CCDC187: variants seen among roughly 807,000 people sequenced by gnomAD.
The protein encoded by CCDC187 is coiled-coil domain containing 187, also known as coiled-coil domain-containing protein 187.
CCDC187 carries 32 observed loss-of-function variants against 38.0 expected under a neutral mutation model. That is an observed-to-expected ratio of 0.84 (90% CI 0.64 to 1.13). CCDC187 has a LOEUF of 1.13. Ranked by LOEUF, CCDC187 falls within the 50% of genes most tolerant of loss-of-function variation. CCDC187 has a pLI of 0.00. For synonymous variants in CCDC187, 333 were observed against 347.9 expected, an observed-to-expected ratio of 0.96 and a Z score of 0.48; for missense variants, 707 against 786.8, an observed-to-expected ratio of 0.90 and a Z score of 1.21.
chr9:136,260,408 G>T (rs1438488711), intron 19 of CCDC187, 144 bp from the exon 20 acceptor site: 1 of 330,828 alleles, frequency 3.0e-6, no homozygotes, highest in Middle Eastern at 1.5e-3. Flanking sequence ...CAGTGGCCAA[G>T]CAGAAGACGG....
At chr9:136,298,354 C>T (rs1387726245) in intron 3 of CCDC187, among the ~76,000 whole-genome samples, 2 of 152,168 alleles carry the variant, frequency 1.3e-5, no homozygotes, top group Non-Finnish European at 2.9e-5. Flanking sequence ...TGGAGTGGAC[C>T]CCTCTGCCGA....
At chr9:136,263,562 G>C (rs1453290729) in intron 18 of CCDC187, 60 bp downstream of exon 18, 1 of 979,732 alleles carries the variant, frequency 1.0e-6, no homozygotes, top group East Asian at 1.1e-4. Flanking sequence ...GGACTTGCAC[G>C]ATCATGGGAA....
upstream of CCDC187, among the ~76,000 whole-genome samples, chr9:136,306,104 G>A (rs1831801174): frequency 6.6e-6 from 1 of 152,226 alleles, no homozygotes. Context: ...GTGGACAGGA[G>A]CAGCAAGGCT....
intron 2 of CCDC187, among the ~76,000 whole-genome samples, chr9:136,300,909 T>TTTTGAA (rs1321443189): frequency 9.9e-5 from 15 of 152,210 alleles, no homozygotes; most frequent in South Asian, 2.1e-4. Context: ...CCTCAAAAAC[T>TTTTGAA]TTTGAATAGC....
At chr9:136,256,353 T>G in intron 23 of CCDC187, 30 bp from the exon 24 acceptor site, 1 of 965,388 alleles carries the variant, frequency 1.0e-6, no homozygotes, top group Non-Finnish European at 1.2e-6. Context: ...ATGACACTGT[T>G]GGGGTGTGGC....
intron 7 of CCDC187, among the ~76,000 whole-genome samples, chr9:136,287,185 T>A (rs879020045): frequency 0.28 from 43,195 of 152,004 alleles, 6,234 homozygotes; most frequent in Middle Eastern, 0.48. Context: ...AGCCCTGAAA[T>A]GGAAGGACAT....
At chr9:136,304,950 C>T (rs1246319167), upstream of CCDC187, among the ~76,000 whole-genome samples, 9 of 152,228 alleles carry the variant, frequency 5.9e-5, no homozygotes, top group African/African-American at 2.2e-4. Flanking sequence ...CGCTATAGAA[C>T]CTGTCCTCTG....
rs144687251 is a variant in CCDC187, at chr9:136,265,270, C to T, written c.3735+686G>A. ...GCCCTGACTCTGGCAGCTTTTCCCC[C>T]CTCCACATGTGCCCCCAGCACCGAC... is the stretch of plus-strand genomic sequence containing the variant. On this transcript the variant is annotated intron_variant, in intron 17 of 25. Coordinates refer to ENST00000638797, the MANE Select transcript of CCDC187 (RefSeq NM_001378188.1). Among the ~76,000 whole-genome samples the T allele has an allele frequency of 7.2e-5, 11 of 152,328 alleles. No homozygotes were observed. The East Asian group carries it at 2.1e-3, about 29-fold the overall frequency.
In CCDC187 at chr9:136,269,377, C is replaced by T. The variant is rs529595075; in HGVS notation, c.3443-1252G>A. ...TTAAGAATGTTTATAGGGGCCAGTGCGGTGGCTCACGCCTGTAATCCCAGC... is the reference window on the plus strand; with the variant it reads ...TTAAGAATGTTTATAGGGGCCAGTGTGGTGGCTCACGCCTGTAATCCCAGC... On this transcript the variant is annotated intron_variant, in intron 14 of 25. Coordinates refer to ENST00000638797, the MANE Select transcript of CCDC187 (RefSeq NM_001378188.1). Among the ~76,000 whole-genome samples, 190 of 152,340 alleles carry T rather than the reference C, an allele frequency of 1.2e-3. 1 individual carries two copies. The Middle Eastern group carries it at 0.017, about 14-fold the overall frequency.
In CCDC187 at chr9:136,252,203, CCCACCCT is replaced by C. The variant is rs1830553144; in HGVS notation, c.*1384_*1390del. 1.9e-5 allele frequency: 1 copy of C among 53,254 alleles called. No individual in the cohort carries two copies. Among genetic ancestry groups the C allele is most frequent in the African/African-American group, 4.9e-5 (1 of 20,470 alleles). 3.3% of individuals were successfully genotyped at this position (53,254 alleles called of 1,614,324 possible). ...CGGGAAGAGCCGGCCGCCCACCCGG[CCCACCCT>C]GGGAAGAGCCGGCCGCCCACCCAGT... On this transcript the variant is annotated 3_prime_UTR_variant, in exon 26 of 26. Transcript: ENST00000638797.
In CCDC187 at chr9:136,262,441, C is replaced by G. The variant is rs146960281; in HGVS notation, c.3934G>C (p.Ala1312Pro). The change falls in exon 19 of 26, where the codon GCC (alanine) becomes CCC (proline). Residue 1312 changes from alanine to proline, a missense_variant. Transcript: ENST00000638797. Reference sequence around the variant, plus strand: ...GTCTCTGAGCCTCCCTCCCAGGCGGCCTTGACTTTGGGGCTGGAACCCTGT... The same window carrying G: ...GTCTCTGAGCCTCCCTCCCAGGCGGGCTTGACTTTGGGGCTGGAACCCTGT... ...LQQGSSPKVK[A>P]AWEGGSETSQ... is the part of the protein sequence containing the mutation. 8.1e-6 allele frequency: 8 copies of G among 985,888 alleles called. No homozygotes were observed. The highest frequency in any genetic ancestry group is 9.6e-6 in the Non-Finnish European group (8 of 830,228). 61.1% of individuals were successfully genotyped at this position (985,888 alleles called of 1,614,324 possible).
chr9:136,259,939 T>A (rs1404942288), intron 20 of CCDC187, among the ~76,000 whole-genome samples, 180 bp downstream of exon 20: 1 of 152,112 alleles, frequency 6.6e-6, no homozygotes, highest in Non-Finnish European at 1.5e-5. Flanking sequence ...AAACCCACTG[T>A]GTGCTCTGCT....
chr9:136,289,018 G>A (rs1831247085), intron 7 of CCDC187, among the ~76,000 whole-genome samples: 1 of 152,310 alleles, frequency 6.6e-6, no homozygotes, highest in Non-Finnish European at 1.5e-5. Context: ...TGGAGCCCGG[G>A]CATCCGTTGG....
Position 136,260,226 on chromosome 9 carries a change from G to C in CCDC187, c.4103C>G (p.Thr1368Arg). ...TEQQDVTPPQ[T>R]TSDADGHQQP... is the part of the protein sequence containing the mutation. ...CTGGTGACCATCTGCATCGGAGGTT[G>C]TCTGGGGTGGCGTCACATCCTGCTG... is the stretch of plus-strand genomic sequence containing the variant. Residue 1368 changes from threonine (T) to arginine (R), a missense_variant, in exon 20 of 26, where the codon ACA (threonine) becomes AGA (arginine). Transcript: ENST00000638797. 5.1e-6 allele frequency: 5 copies of C among 985,466 alleles called. No homozygotes were observed. The highest frequency in any genetic ancestry group is 6.0e-6 in the Non-Finnish European group (5 of 830,084). The allele number at this position is 985,466 out of a possible 1,614,324, so 61.0% of individuals were successfully genotyped here.
intron 12 of CCDC187, among the ~76,000 whole-genome samples, chr9:136,275,991 C>T (rs1389887480): frequency 6.6e-6 from 1 of 152,166 alleles, no homozygotes; most frequent in Non-Finnish European, 1.5e-5. Flanking sequence ...GTGCCAGCGC[C>T]CCCAGGACAC....
Position 136,298,531 on chromosome 9 carries a change from G to A in CCDC187, c.725-710C>T, listed in dbSNP as rs1000551232. Among the ~76,000 whole-genome samples the A allele has an allele frequency of 9.3e-3, 1,420 of 152,318 alleles. 16 individuals carry two copies. Among genetic ancestry groups the A allele is most frequent in the Non-Finnish European group, 0.012 (822 of 68,022 alleles). ...GGGGTGGGGGAGTATCTGGGAAGCCGCCATGCGAGAACCTGCCTTGTCCCC... is the reference window on the plus strand; with the variant it reads ...GGGGTGGGGGAGTATCTGGGAAGCCACCATGCGAGAACCTGCCTTGTCCCC... On this transcript the variant is annotated intron_variant, in intron 3 of 25. Coordinates refer to ENST00000638797, the MANE Select transcript of CCDC187 (RefSeq NM_001378188.1).
In CCDC187 at chr9:136,254,750, C is replaced by A. The variant is rs1319825237; in HGVS notation, c.5078G>T (p.Gly1693Val). The A allele has an allele frequency of 1.0e-6, 1 of 985,436 alleles. No individual in the cohort carries two copies. Among genetic ancestry groups the A allele is most frequent in the Non-Finnish European group, 1.2e-6 (1 of 830,008 alleles). 61.0% of individuals were successfully genotyped at this position (985,436 alleles called of 1,614,324 possible). A position where few individuals can be genotyped will look rare whatever the true frequency, so the allele number is the denominator to read the frequency against. The change falls in exon 26 of 26, where the codon GGC becomes GTC. Residue 1693 changes from glycine to valine, a missense_variant. Coordinates refer to ENST00000638797, the MANE Select transcript of CCDC187 (RefSeq NM_001378188.1). Reference protein sequence around the residue: ...WRSNQGEPRPGSAPGGGGWVT... With the variant: ...WRSNQGEPRPVSAPGGGGWVT... The stretch of plus-strand genomic sequence containing the variant: ...CCATCCTCCACCCCCAGGAGCACTG[C>A]CTGGCCGAGGCTCACCCTGGTTTGA...
Position 136,286,623 on chromosome 9 carries a change from T to C in CCDC187, c.2295A>G (p.Gln765=), listed in dbSNP as rs1831188582. The C allele has an allele frequency of 2.5e-6, 1 of 398,770 alleles. No homozygotes were observed. 24.7% of individuals were successfully genotyped at this position (398,770 alleles called of 1,614,324 possible). The change falls in exon 8 of 26, where the codon CAA becomes CAG. Residue 765 remains glutamine, a synonymous_variant. Transcript: ENST00000638797. ...GCAGCACGGGGGCATCCCGGCCATCTTGGGGGCCCCCCATCCCTGGGGGAT... is the reference window on the plus strand; with the variant it reads ...GCAGCACGGGGGCATCCCGGCCATCCTGGGGGCCCCCCATCCCTGGGGGAT... ...TLDPPGMGGP[Q]DGRDAPVLLS... is the part of the protein sequence containing the mutation.
Position 136,251,370 on chromosome 9 carries a change from G to A in CCDC187, c.*2224C>T, listed in dbSNP as rs543017208. On this transcript the variant is annotated 3_prime_UTR_variant, in exon 26 of 26. Coordinates refer to ENST00000638797, the MANE Select transcript of CCDC187 (RefSeq NM_001378188.1). The stretch of plus-strand genomic sequence containing the variant: ...ATCCCCAGAGGAAAAGCCCCCGGCC[G>A]TGCGGGCTGCGCAGAAATGACCTTG... 43 of 269,636 alleles carry A rather than the reference G, an allele frequency of 1.6e-4. No individual in the cohort carries two copies. Among genetic ancestry groups the A allele is most frequent in the African/African-American group, 4.4e-4 (20 of 45,730 alleles). The allele number at this position is 269,636 out of a possible 1,614,324, so 16.7% of individuals were successfully genotyped here. A position where few individuals can be genotyped will look rare whatever the true frequency, so the allele number is the denominator to read the frequency against.
Sources: allele counts gnomAD v4.1 joint callset (sites outside exome capture counted in the v4.1 genomes callset), GRCh38; gene constraint gnomAD v4.1.1; transcripts MANE v1.5; gene names NCBI Gene and HGNC (gene_info 2026-07-23, HGNC 2026-07-21).